KNOP1: variants seen among roughly 807,000 people sequenced by gnomAD.
KNOP1 encodes the protein lysine rich nucleolar protein 1.
KNOP1 carries 20 observed loss-of-function variants against 30.6 expected under a neutral mutation model. The ratio of observed to expected loss-of-function variants is 0.65; its 90% CI spans 0.46 to 0.95. The LOEUF (loss-of-function observed/expected upper bound fraction) is 0.95, where lower values mean the gene tolerates loss of function less well. Ranked by LOEUF, KNOP1 falls within the 40% of genes least tolerant of loss-of-function variation. KNOP1 has a pLI of 0.00. For missense variants in KNOP1, 540 were observed against 562.0 expected, an observed-to-expected ratio of 0.96 and a Z score of 0.40; for synonymous variants, 204 against 210.0, an observed-to-expected ratio of 0.97 and a Z score of 0.25.
chr16:19,712,742 G>C (rs1446207323), intron 2 of KNOP1, among the ~76,000 whole-genome samples: 1 of 152,218 alleles, frequency 6.6e-6, no homozygotes, highest in Non-Finnish European at 1.5e-5. Context: ...ACACGGAAGG[G>C]CCGGACACTG....
At chr16:19,712,324 C>T (rs972039561) in intron 2 of KNOP1, among the ~76,000 whole-genome samples, 1 of 152,156 alleles carries the variant, frequency 6.6e-6, no homozygotes, top group African/African-American at 2.4e-5. Flanking sequence ...GATATGGAGG[C>T]CACCCCTCCA....
chr16:19,714,246 C>G lies in KNOP1; in HGVS notation c.790G>C (p.Ala264Pro), dbSNP rs761337465. The G allele has an allele frequency of 3.1e-6, 5 of 1,614,072 alleles. No homozygotes were observed. Among genetic ancestry groups the G allele is most frequent in the Admixed American group, 3.3e-5 (2 of 60,006 alleles). Reference protein sequence around the residue: ...EYIPISDDPKASAKKKMKSKK... With the variant: ...EYIPISDDPKPSAKKKMKSKK... ...GACTTCATCTTTTTCTTTGCGGAGG[C>G]CTTAGGGTCATCACTTATGGGGATG... The change falls in exon 2 of 5, where the codon GCC becomes CCC. Residue 264 changes from alanine (A) to proline (P), a missense_variant. Physicochemically the swap from Ala to Pro is conservative, Grantham distance 27. Transcript: ENST00000219837.
rs750322472 is a variant in KNOP1 at position 19,706,550 on chromosome 16, A to G, written c.*360T>C. 3.7e-6 allele frequency: 1 copy of G among 269,272 alleles called. No homozygotes were observed. Among genetic ancestry groups the G allele is most frequent in the Admixed American group, 5.3e-5 (1 of 18,926 alleles). 16.7% of individuals were successfully genotyped at this position (269,272 alleles called of 1,614,324 possible). A position where few individuals can be genotyped will look rare whatever the true frequency, so the allele number is the denominator to read the frequency against. ...GTACATACTGATGTCTCAAACAGGG[A>G]CGGAATGTTTAACACAGAAAACAGG... On this transcript the variant is annotated 3_prime_UTR_variant, in exon 5 of 5. Transcript: ENST00000219837.
Position 19,705,031 on chromosome 16 carries a change from G to A in KNOP1, c.*1879C>T, listed in dbSNP as rs1976302681. 2.5e-6 allele frequency: 1 copy of A among 392,190 alleles called. No individual in the cohort carries two copies. The highest frequency in any genetic ancestry group is 2.1e-5 in the African/African-American group (1 of 48,120). The allele number at this position is 392,190 out of a possible 1,614,324, so 24.3% of individuals were successfully genotyped here. On this transcript the variant is annotated 3_prime_UTR_variant, in exon 5 of 5. Transcript: ENST00000219837. ...ATGACAGGGGCGGGTGCAGCTATGGGCAGATGACTCATTGCCCAGCAATGG... is the reference window on the plus strand; with the variant it reads ...ATGACAGGGGCGGGTGCAGCTATGGACAGATGACTCATTGCCCAGCAATGG...
chr16:19,707,030 G>C lies in KNOP1; in HGVS notation c.1257C>G (p.Asp419Glu). The C allele has an allele frequency of 6.2e-7, 1 of 1,614,168 alleles. No individual in the cohort carries two copies. Among genetic ancestry groups the C allele is most frequent in the Non-Finnish European group, 8.5e-7 (1 of 1,180,028 alleles). Residue 419 changes from aspartate (D) to glutamate (E), a missense_variant, in exon 5 of 5, where the codon GAC becomes GAG. Coordinates refer to ENST00000219837, the MANE Select transcript of KNOP1 (RefSeq NM_001012991.3). ...ADSLQQNLQRDYDRAMSWKYS... is the reference protein window; with the variant it reads ...ADSLQQNLQREYDRAMSWKYS... ...ACTTCCAGCTCATGGCCCGGTCGTA[G>C]TCCCGCTGCAGATTCTGCTGCAGGC...
rs1444666633 is a variant in KNOP1, at chr16:19,714,295, T to A, written c.741A>T (p.Pro247=). 1.9e-6 allele frequency: 3 copies of A among 1,614,056 alleles called. No homozygotes were observed. Among genetic ancestry groups the A allele is most frequent in the Non-Finnish European group, 2.5e-6 (3 of 1,180,026 alleles). The change falls in exon 2 of 5, where the codon CCA becomes CCT. Residue 247 remains proline (P), a synonymous_variant. Transcript: ENST00000219837. ...TGTATTCCGGAGCCTCAACTTTGACTGGCTTCTTTTTACTTCCTTTCCTAG... is the reference window on the plus strand; with the variant it reads ...TGTATTCCGGAGCCTCAACTTTGACAGGCTTCTTTTTACTTCCTTTCCTAG... ...SSPRKGSKKK[P]VKVEAPEYIP...
chr16:19,711,323 A>G (rs2151648947), intron 3 of KNOP1, 49 bp downstream of exon 3: 1 of 1,582,288 alleles, frequency 6.3e-7, no homozygotes, highest in Non-Finnish European at 8.7e-7. Context: ...TGAGACTCCA[A>G]GGGTGGCAGG....
chr16:19,713,630 A>C (rs532965768), intron 2 of KNOP1, among the ~76,000 whole-genome samples: 4 of 152,314 alleles, frequency 2.6e-5, no homozygotes, highest in Non-Finnish European at 5.9e-5. Context: ...AGCTGAGGAA[A>C]TCTCATACAG....
intron 2 of KNOP1, 62 bp downstream of exon 2, chr16:19,714,056 C>A (rs1216800612): frequency 5.6e-6 from 8 of 1,420,766 alleles, no homozygotes; most frequent in Admixed American, 2.0e-5. Flanking sequence ...CGCCTACACA[C>A]CCCTCCCAAA....
intron 2 of KNOP1, among the ~76,000 whole-genome samples, chr16:19,713,087 C>T (rs1597471057): frequency 6.6e-6 from 1 of 152,214 alleles, no homozygotes; most frequent in East Asian, 1.9e-4. Context: ...GATACCCGCC[C>T]TGTCCTTCAC....
In KNOP1 at chr16:19,706,315, C is replaced by T. The variant is rs1976348312; in HGVS notation, c.*595G>A. 1 of 152,674 alleles carries T rather than the reference C, an allele frequency of 6.5e-6. No homozygotes were observed. The highest frequency in any genetic ancestry group is 2.4e-5 in the African/African-American group (1 of 41,452). The allele number at this position is 152,674 out of a possible 1,614,324, so 9.5% of individuals were successfully genotyped here. ...GACATTCAGAGTGGCGAATAGTGAA[C>T]TTAGGGCTTCGGGTACAAAAGTACA... On this transcript the variant is annotated 3_prime_UTR_variant, in exon 5 of 5. Transcript: ENST00000219837.
chr16:19,716,524 G>C (rs1326880659), intron 1 of KNOP1: 1 of 145,940 alleles, frequency 6.9e-6, no homozygotes, highest in African/African-American at 2.8e-5. Flanking sequence ...CAGATGACTT[G>C]GAGATGTTCA....
At chr16:19,710,310 G>A (rs1363706890) in intron 4 of KNOP1, 199 bp downstream of exon 4, 3 of 635,124 alleles carry the variant, frequency 4.7e-6, no homozygotes, top group African/African-American at 1.8e-5. Context: ...CTCTAGGAGG[G>A]AGGCAAGCGC....
intron 1 of KNOP1, 79 bp from the exon 2 acceptor site, chr16:19,715,116 GTTTC>G (rs1976958341): frequency 3.9e-6 from 4 of 1,022,972 alleles, no homozygotes; most frequent in Non-Finnish European, 5.6e-6. Flanking sequence ...CAAGAGCCAT[GTTTC>G]TTTGAGTGGG....
chr16:19,717,761 T>C, intron 1 of KNOP1: 4 of 994,590 alleles, frequency 4.0e-6, no homozygotes, highest in South Asian at 4.5e-5. Flanking sequence ...AATAATTCAC[T>C]TGCCCTAGGT....
chr16:19,706,779 A>T lies in KNOP1; in HGVS notation c.*131T>A. On this transcript the variant is annotated 3_prime_UTR_variant, in exon 5 of 5. Transcript: ENST00000219837. The stretch of plus-strand genomic sequence containing the variant: ...ATTACTGGAACGCTAAGCTTATGGG[A>T]GTTATTTATATCTTACTGCTCGAGG... 1.1e-6 allele frequency: 1 copy of T among 880,114 alleles called. No homozygotes were observed. Among genetic ancestry groups the T allele is most frequent in the Non-Finnish European group, 1.8e-6 (1 of 556,210 alleles). 54.5% of individuals were successfully genotyped at this position (880,114 alleles called of 1,614,324 possible).
In KNOP1 at chr16:19,718,205, G is replaced by T; in HGVS notation, c.-50C>A. The T allele has an allele frequency of 6.6e-7, 1 of 1,519,582 alleles. No individual in the cohort carries two copies. Among genetic ancestry groups the T allele is most frequent in the South Asian group, 1.2e-5 (1 of 80,262 alleles). The allele number at this position is 1,519,582 out of a possible 1,614,324, so 94.1% of individuals were successfully genotyped here. A position where few individuals can be genotyped will look rare whatever the true frequency, so the allele number is the denominator to read the frequency against. On this transcript the variant is annotated 5_prime_UTR_variant, in exon 1 of 5. Coordinates refer to ENST00000219837, the MANE Select transcript of KNOP1 (RefSeq NM_001012991.3). ...TCCACGTGAGAGCCAGCTCCGCCGTGACCCGGAAGTCCACTTCGAGTCGCC... is the reference window on the plus strand; with the variant it reads ...TCCACGTGAGAGCCAGCTCCGCCGTTACCCGGAAGTCCACTTCGAGTCGCC...
Position 19,706,940 on chromosome 16 carries a change from G to A in KNOP1, c.1347C>T (p.Asn449=), listed in dbSNP as rs377055424. 126 of 1,612,828 alleles carry A rather than the reference G, an allele frequency of 7.8e-5. 1 individual carries two copies. Among genetic ancestry groups the A allele is most frequent in the East Asian group, 1.6e-4 (7 of 44,890 alleles). The change falls in exon 5 of 5, where the codon AAC becomes AAT. Residue 449 remains asparagine (N), a synonymous_variant. Transcript: ENST00000219837. ...APNKIFYIDR[N]ASKSVKLED is the part of the protein sequence containing the mutation. ...CTTCCAGCTTGACTGACTTGGAAGC[G>A]TTCCTGTCAATGTAAAAGATCTTGT...
rs1020515136 is a variant in KNOP1 at position 19,718,049 on chromosome 16, T to C, written c.-3+109A>G. On this transcript the variant is annotated intron_variant, in intron 1 of 4. Coordinates refer to ENST00000219837, the MANE Select transcript of KNOP1 (RefSeq NM_001012991.3). The stretch of plus-strand genomic sequence containing the variant: ...GCGCACACCGACTGGAGGGGTCGGA[T>C]TCAGGGATGTGGGTGGACCGCATTT... 2.9e-6 allele frequency: 4 copies of C among 1,400,146 alleles called. No individual in the cohort carries two copies. In the African/African-American group the frequency reaches 4.4e-5, roughly 15 times the overall value. 86.7% of individuals were successfully genotyped at this position (1,400,146 alleles called of 1,614,324 possible).
Sources: allele counts gnomAD v4.1 joint callset (sites outside exome capture counted in the v4.1 genomes callset), GRCh38; gene constraint gnomAD v4.1.1; transcripts MANE v1.5; gene names NCBI Gene and HGNC (gene_info 2026-07-23, HGNC 2026-07-21).